The following ANKS1B variants were observed in gnomAD, a reference collection of about 807,000 sequenced individuals.
ANKS1B encodes ankyrin repeat and sterile alpha motif domain-containing protein 1B.
In ANKS1B, 36 loss-of-function variants were observed where a neutral mutation model predicts 148.3. The observed-to-expected ratio is 0.24, with a 90% CI of 0.19 to 0.32. ANKS1B has a LOEUF of 0.32. ANKS1B is among the 10% of genes least tolerant of loss of function. The pLI, the probability that ANKS1B is intolerant of heterozygous loss-of-function variation, is 1.00. For synonymous variants in ANKS1B, 542 were observed against 560.8 expected, an observed-to-expected ratio of 0.97 and a Z score of 0.47; for missense variants, 1,157 against 1,542.6, an observed-to-expected ratio of 0.75 and a Z score of 4.19.
intron 16 of ANKS1B, among the ~76,000 whole-genome samples, chr12:99,076,064 C>T (rs1196239288): frequency 6.6e-6 from 1 of 151,880 alleles, no homozygotes; most frequent in Non-Finnish European, 1.5e-5. Flanking sequence ...TACTGTAACC[C>T]TAGTGCTAAG....
At chr12:99,247,036 T>C (rs1012307440) in intron 12 of ANKS1B, among the ~76,000 whole-genome samples, 172 bp from the exon 13 acceptor site, 1 of 152,224 alleles carries the variant, frequency 6.6e-6, no homozygotes, top group Non-Finnish European at 1.5e-5. Context: ...ATAGAATGAA[T>C]GTATGAGTGT....
At chr12:99,526,829 A>T (rs577815756) in intron 9 of ANKS1B, among the ~76,000 whole-genome samples, 1 of 152,220 alleles carries the variant, frequency 6.6e-6, no homozygotes, top group Non-Finnish European at 1.5e-5. Context: ...ACCCCAGTAC[A>T]TAAGAATGTG....
At chr12:99,517,473 T>C (rs1395729644) in intron 9 of ANKS1B, among the ~76,000 whole-genome samples, 1 of 151,892 alleles carries the variant, frequency 6.6e-6, no homozygotes. Flanking sequence ...ATCCCAACAC[T>C]TTGGGAGGCC....
intron 12 of ANKS1B, among the ~76,000 whole-genome samples, chr12:99,390,789 A>G (rs977625380): frequency 6.6e-5 from 10 of 152,208 alleles, no homozygotes; most frequent in Non-Finnish European, 1.2e-4. Context: ...AGCCTCCAGA[A>G]GGGGGCCTCA....
chr12:99,825,508 T>C, intron 1 of ANKS1B, 119 bp from the exon 2 acceptor site: 1 of 663,974 alleles, frequency 1.5e-6, no homozygotes, highest in Non-Finnish European at 2.6e-6. Context: ...TTTAGCCATG[T>C]GGAAAATGAT....
intron 12 of ANKS1B, among the ~76,000 whole-genome samples, chr12:99,354,387 C>T (rs547027013): frequency 6.6e-6 from 1 of 152,122 alleles, no homozygotes; most frequent in East Asian, 1.9e-4. Flanking sequence ...GGTCAAACTA[C>T]ATGCTTCAAA....
intron 10 of ANKS1B, 61 bp downstream of exon 10, chr12:99,504,415 G>A (rs909736579): frequency 6.6e-7 from 1 of 1,510,586 alleles, no homozygotes; most frequent in Admixed American, 2.1e-5. Context: ...TGTTAATGAT[G>A]CATCTTCATA....
At position 99,623,481 on chromosome 12, in the gene ANKS1B, T is replaced by TA. The variant is rs562140081; in HGVS notation, c.1272+31585_1272+31586insT. 3.9e-5 allele frequency among the ~76,000 whole-genome samples: 6 copies of TA among 152,134 alleles called. No individual in the cohort carries two copies. The East Asian group carries it at 1.2e-3, about 29-fold the overall frequency. On this transcript the variant is annotated intron_variant, in intron 9 of 26. Coordinates refer to ENST00000683438, the MANE Select transcript of ANKS1B (RefSeq NM_001352186.2). ...TCAAACTCTCTTCTTACTGACGATA[T>TA]GATCCTATACCTAGAATACCCTAAA... is the stretch of plus-strand genomic sequence containing the variant.
chr12:99,274,054 A>C (rs1294315029), intron 12 of ANKS1B, among the ~76,000 whole-genome samples: 1 of 152,128 alleles, frequency 6.6e-6, no homozygotes, highest in Non-Finnish European at 1.5e-5. Context: ...AGGAGACTCA[A>C]GGCATGCCCT....
intron 25 of ANKS1B, among the ~76,000 whole-genome samples, chr12:98,761,543 A>G (rs1013297498): frequency 3.9e-5 from 6 of 152,154 alleles, no homozygotes; most frequent in African/African-American, 1.4e-4. Context: ...TTGATGCTAC[A>G]ACTTTTCCCT....
intron 11 of ANKS1B, among the ~76,000 whole-genome samples, chr12:99,430,055 AAAAAAAAGATCTTTAG>A (rs2095341933): frequency 6.8e-6 from 1 of 148,080 alleles, no homozygotes; most frequent in African/African-American, 2.5e-5. Context: ...CCAGGAAAAA[AAAAAAAAGATCTTTAG>A]AAAAAAAAGA....
intron 17 of ANKS1B, among the ~76,000 whole-genome samples, chr12:98,847,174 A>G (rs1422302480): frequency 1.3e-5 from 2 of 152,200 alleles, no homozygotes; most frequent in Non-Finnish European, 2.9e-5. Flanking sequence ...TACACAATAC[A>G]CTATTGTTAG....
chr12:99,216,344 C>T (rs2084190555), intron 14 of ANKS1B, among the ~76,000 whole-genome samples: 1 of 152,170 alleles, frequency 6.6e-6, no homozygotes, highest in Non-Finnish European at 1.5e-5. Flanking sequence ...GGGCATATTA[C>T]AAGGTCTTAA....
intron 12 of ANKS1B, among the ~76,000 whole-genome samples, chr12:99,360,247 C>A (rs575597889): frequency 6.6e-6 from 1 of 152,200 alleles, no homozygotes; most frequent in South Asian, 2.1e-4. Flanking sequence ...CACTTAATGT[C>A]TTCAGGTCAC....
chr12:99,835,804 G>T (rs535788017), intron 1 of ANKS1B, among the ~76,000 whole-genome samples: 1 of 152,292 alleles, frequency 6.6e-6, no homozygotes, highest in South Asian at 2.1e-4. Context: ...TCTAGTATAA[G>T]GAAGAGTAGC....
At chr12:99,664,370 G>T (rs2098495026) in intron 8 of ANKS1B, among the ~76,000 whole-genome samples, 1 of 151,754 alleles carries the variant, frequency 6.6e-6, no homozygotes, top group African/African-American at 2.4e-5. Context: ...ATCTTTAATA[G>T]AATTTTTATT....
intron 9 of ANKS1B, among the ~76,000 whole-genome samples, chr12:99,532,565 T>TG (rs2097010704): frequency 1.3e-5 from 2 of 152,194 alleles, no homozygotes; most frequent in African/African-American, 4.8e-5. Flanking sequence ...TTTCATCGTG[T>TG]TAGCCAGGAT....
intron 12 of ANKS1B, among the ~76,000 whole-genome samples, chr12:99,279,675 T>C (rs373640688): frequency 1.3e-5 from 2 of 152,104 alleles, no homozygotes; most frequent in Non-Finnish European, 2.9e-5. Flanking sequence ...TGAACAAATA[T>C]AGGAATAAGA....
chr12:99,869,271 G>A (rs532394450), intron 1 of ANKS1B, among the ~76,000 whole-genome samples: 1 of 151,872 alleles, frequency 6.6e-6, no homozygotes, highest in East Asian at 1.9e-4. Context: ...AGTGGGAGGA[G>A]GTACACCATC....
Sources: allele counts gnomAD v4.1 joint callset (sites outside exome capture counted in the v4.1 genomes callset), GRCh38; gene constraint gnomAD v4.1.1; transcripts MANE v1.5; gene names NCBI Gene and HGNC (gene_info 2026-07-23, HGNC 2026-07-21).